Variants in RIMOC1 observed in about 807,000 individuals in gnomAD.
RIMOC1 encodes the protein RAB7A interacting MON1-CCZ1 complex subunit 1.
the RIMOC1 span, chr5:41,911,295 C>A: frequency 1.2e-6 from 1 of 866,982 alleles, no homozygotes; most frequent in Non-Finnish European, 1.6e-6. Context: ...TATTCTGTGT[C>A]TTTTATTTAC....
the RIMOC1 span, among the ~76,000 whole-genome samples, chr5:41,913,800 C>CTA: frequency 6.6e-6 from 1 of 152,102 alleles, no homozygotes; most frequent in Non-Finnish European, 1.5e-5. Context: ...CTCATTTAGA[C>CTA]AAATATTTTA....
chr5:41,910,376 A>G, the RIMOC1 span, among the ~76,000 whole-genome samples: 3 of 151,980 alleles, frequency 2.0e-5, no homozygotes, highest in South Asian at 6.2e-4. Context: ...AAACACAGGT[A>G]CTAGCCAGGG....
At chr5:41,905,713 A>G in the RIMOC1 span, among the ~76,000 whole-genome samples, 3 of 152,212 alleles carry the variant, frequency 2.0e-5, no homozygotes, top group East Asian at 1.9e-4. Flanking sequence ...ATTCACTTGA[A>G]CCAGTCCAAA....
the RIMOC1 span, chr5:41,917,997 C>CATT: frequency 2.0e-6 from 2 of 984,928 alleles, no homozygotes; most frequent in East Asian, 1.1e-4. Flanking sequence ...GTTAGTCTAC[C>CATT]ATTAGTTCAT....
chr5:41,916,805 T>C, the RIMOC1 span, among the ~76,000 whole-genome samples: 1 of 152,218 alleles, frequency 6.6e-6, no homozygotes. Flanking sequence ...GTTTTTCTTT[T>C]TGTAATGGGC....
At chr5:41,909,771 AG>A in the RIMOC1 span, 7 of 1,525,114 alleles carry the variant, frequency 4.6e-6, no homozygotes, top group Non-Finnish European at 6.2e-6. Context: ...ACATATTTTG[AG>A]GAGAACAAGC....
At chr5:41,917,511 G>T in the RIMOC1 span, 1 of 1,235,346 alleles carries the variant, frequency 8.1e-7, no homozygotes, top group South Asian at 3.1e-5. Context: ...TTTCTAAAGT[G>T]TTGTTCAAAC....
the RIMOC1 span, chr5:41,912,305 A>G: frequency 4.9e-6 from 3 of 617,890 alleles, no homozygotes; most frequent in Non-Finnish European, 8.5e-6. Flanking sequence ...AAAAAGTAAT[A>G]AGTAATAAAG....
chr5:41,920,649 G>C, the RIMOC1 span: 1 of 152,234 alleles, frequency 6.6e-6, no homozygotes, highest in African/African-American at 2.4e-5. Context: ...TCATATTTAG[G>C]GGTGGTTGGG....
At chr5:41,914,810 T>C in the RIMOC1 span, among the ~76,000 whole-genome samples, 2 of 152,046 alleles carry the variant, frequency 1.3e-5, no homozygotes, top group Non-Finnish European at 1.5e-5. Context: ...AATGTATCTA[T>C]CTGAACACGA....
the RIMOC1 span, chr5:41,921,015 T>C: frequency 6.6e-6 from 1 of 152,636 alleles, no homozygotes; most frequent in Non-Finnish European, 1.5e-5. Context: ...AACTAGGCTT[T>C]TAGACTTAGT....
chr5:41,914,028 A>G, the RIMOC1 span, among the ~76,000 whole-genome samples: 1 of 152,232 alleles, frequency 6.6e-6, no homozygotes. Flanking sequence ...GACACTTTAA[A>G]AGAAAAAGGT....
At chr5:41,904,911 G>A in the RIMOC1 span, among the ~76,000 whole-genome samples, 628 of 152,232 alleles carry the variant, frequency 4.1e-3, 3 homozygotes, top group African/African-American at 0.015. Context: ...TTACGTTTTG[G>A]ATTCAAAACA....
At chr5:41,907,394 T>C in the RIMOC1 span, among the ~76,000 whole-genome samples, 1 of 152,154 alleles carries the variant, frequency 6.6e-6, no homozygotes, top group Non-Finnish European at 1.5e-5. Context: ...ATTATTTGTA[T>C]ATTCCAGTAA....
the RIMOC1 span, among the ~76,000 whole-genome samples, chr5:41,908,862 A>G: frequency 6.9e-4 from 105 of 152,272 alleles, 1 homozygote; most frequent in Middle Eastern, 0.02. Context: ...CACCTTTCAT[A>G]TGATGATGAA....
the RIMOC1 span, among the ~76,000 whole-genome samples, chr5:41,915,726 A>G: frequency 6.6e-6 from 1 of 152,320 alleles, no homozygotes; most frequent in South Asian, 2.1e-4. Flanking sequence ...AACCGCCTCC[A>G]TGATTCAGTT....
At chr5:41,918,345 C>G in the RIMOC1 span, 2 of 985,598 alleles carry the variant, frequency 2.0e-6, no homozygotes, top group African/African-American at 3.5e-5. Context: ...TGACTTTTCT[C>G]TCCTTTATGC....
chr5:41,905,228 TTTC>T, the RIMOC1 span, among the ~76,000 whole-genome samples: 43 of 152,358 alleles, frequency 2.8e-4, no homozygotes, highest in African/African-American at 1.0e-3. Flanking sequence ...GGTGGAACAT[TTTC>T]TTAAGCGATT....
the RIMOC1 span, chr5:41,909,632 C>A: frequency 5.0e-6 from 3 of 601,032 alleles, no homozygotes; most frequent in Non-Finnish European, 7.9e-6. Context: ...ACATACTGAG[C>A]TAGAAGATTT....
Sources: allele counts gnomAD v4.1 joint callset (sites outside exome capture counted in the v4.1 genomes callset), GRCh38; gene constraint gnomAD v4.1.1; transcripts MANE v1.5; gene names NCBI Gene and HGNC (gene_info 2026-07-23, HGNC 2026-07-21).